PIEZO2: variants seen among roughly 807,000 people sequenced by gnomAD.
PIEZO2 encodes piezo-type mechanosensitive ion channel component 2.
A neutral mutation model predicts 337.3 loss-of-function variants in PIEZO2; 172 were observed. The observed-to-expected ratio is 0.51, with a 90% CI of 0.45 to 0.58. The LOEUF is 0.58. Ranked by LOEUF, PIEZO2 falls within the 20% of genes least tolerant of loss-of-function variation. The pLI, the probability that PIEZO2 is intolerant of heterozygous loss-of-function variation, is 0.00. For missense variants in PIEZO2, 3,028 were observed against 3,391.3 expected, an observed-to-expected ratio of 0.89 and a Z score of 2.66; for synonymous variants, 1,251 against 1,228.5, an observed-to-expected ratio of 1.02 and a Z score of -0.38.
At position 10,789,289 on chromosome 18, in the gene PIEZO2, T is replaced by C. The variant is rs1224524020; in HGVS notation, c.1959A>G (p.Gln653=). Residue 653 remains glutamine (Q), a synonymous_variant, in exon 15 of 56, where the codon CAA becomes CAG. Coordinates refer to ENST00000674853, the MANE Select transcript of PIEZO2 (RefSeq NM_001378183.1). The part of the protein sequence containing the change: ...EEEEEAKEEK[Q]ERKKVEQEEA... ...CCTCTTGCTCTACCTTCTTTCTCTC[T>C]TGCTTCTCTTCCTTCGCTTCCTCTT... The C allele has an allele frequency of 6.5e-7, 1 of 1,537,370 alleles. No individual in the cohort carries two copies.
At chr18:11,087,671 T>A (rs1238681896) in intron 1 of PIEZO2, among the ~76,000 whole-genome samples, 2 of 152,240 alleles carry the variant, frequency 1.3e-5, no homozygotes, top group South Asian at 4.1e-4. Flanking sequence ...CCTCCCTTAT[T>A]CTTTCCCACA....
intron 2 of PIEZO2, among the ~76,000 whole-genome samples, chr18:11,040,952 G>A (rs2145806652): frequency 6.6e-6 from 1 of 152,190 alleles, no homozygotes; most frequent in South Asian, 2.1e-4. Flanking sequence ...GGGGTGAGTG[G>A]GAATGGTCCG....
rs184819742 is a variant in PIEZO2, at chr18:11,111,714, C to T, written c.64+36811G>A. Among the ~76,000 whole-genome samples, 397 of 152,320 alleles carry T rather than the reference C, an allele frequency of 2.6e-3. 2 individuals are homozygous for T. Among genetic ancestry groups the T allele is most frequent in the Admixed American group, 4.2e-3 (65 of 15,296 alleles). ...TCGACAAGGCTTCTTGAACTGACAC[C>T]GTCACACCCTCGGGGAATCCGTAGC... On this transcript the variant is annotated intron_variant, in intron 1 of 55. Transcript: ENST00000674853. The surrounding 1 kb of genome is among the most constrained non-coding windows in gnomAD (Gnocchi z 6.2).
rs2037387671 is a variant in PIEZO2 at position 11,048,144 on chromosome 18, A to G, written c.160+17983T>C. Among the ~76,000 whole-genome samples the G allele has an allele frequency of 6.6e-6, 1 of 152,198 alleles. No homozygotes were observed. Among genetic ancestry groups the G allele is most frequent in the Non-Finnish European group, 1.5e-5 (1 of 68,032 alleles). The stretch of plus-strand genomic sequence containing the variant: ...TCAAGCCTGAAAGCCCCTGCTCCTG[A>G]CTGCCCGAGGAGACTATTAGTGACT... On this transcript the variant is annotated intron_variant, in intron 2 of 55. Transcript: ENST00000674853. The surrounding 1 kb of genome is among the most constrained non-coding windows in gnomAD (Gnocchi z 4.5).
At chr18:11,137,293 T>G (rs1187035033) in intron 1 of PIEZO2, among the ~76,000 whole-genome samples, 1 of 152,216 alleles carries the variant, frequency 6.6e-6, no homozygotes, top group East Asian at 1.9e-4. Context: ...AAGTCCTAAG[T>G]GTATGTACAT....
intron 48 of PIEZO2, 76 bp from the exon 49 acceptor site, chr18:10,689,878 A>C: frequency 6.6e-7 from 1 of 1,524,432 alleles, no homozygotes; most frequent in South Asian, 1.3e-5. Context: ...GAGCTCAAGC[A>C]GTTCCTTAAC....
At position 10,899,480 on chromosome 18, in the gene PIEZO2, A is replaced by G. The variant is rs2144992038; in HGVS notation, c.329+11706T>C. Among the ~76,000 whole-genome samples the G allele has an allele frequency of 6.6e-6, 1 of 152,314 alleles. No homozygotes were observed. The highest frequency in any genetic ancestry group is 2.1e-4 in the South Asian group (1 of 4,830). ...GTCTTTGTCTCCAGTAAGGTGCTTC[A>G]CTGGCTGAGCTTCCTCAGCATAAAA... On this transcript the variant is annotated intron_variant, in intron 4 of 55. Transcript: ENST00000674853. This position sits in a 1 kb window ranked among gnomAD's most constrained non-coding sequence, Gnocchi z 4.6.
At position 10,735,299 on chromosome 18, in the gene PIEZO2, A is replaced by G. The variant is rs940024785; in HGVS notation, c.4847T>C (p.Leu1616Ser). The change falls in exon 35 of 56, where the codon TTA (leucine) becomes TCA (serine). Residue 1616 changes from leucine (L) to serine (S), a missense_variant. Leu to Ser is a moderately radical substitution (Grantham distance 145). Coordinates refer to ENST00000674853, the MANE Select transcript of PIEZO2 (RefSeq NM_001378183.1). ...RAIGKFASAILALPKSVIKLP... is the reference protein window; with the variant it reads ...RAIGKFASAISALPKSVIKLP... ...TTTAATGACAGACTTTGGCAAGGCT[A>G]AAATGGCTGATGCAAACTTCCCAAT... Among the ~76,000 whole-genome samples the G allele has an allele frequency of 2.6e-5, 4 of 152,248 alleles. No individual in the cohort carries two copies. Among genetic ancestry groups the G allele is most frequent in the African/African-American group, 4.8e-5 (2 of 41,470 alleles).
In PIEZO2 at chr18:10,993,728, C is replaced by T. The variant is rs2035196565; in HGVS notation, c.161-14068G>A. Among the ~76,000 whole-genome samples, 1 of 152,164 alleles carries T rather than the reference C, an allele frequency of 6.6e-6. No individual in the cohort carries two copies. The highest frequency in any genetic ancestry group is 6.5e-5 in the Admixed American group (1 of 15,274). ...ATTTTTAGTAGAGACGGTGTTTCACCATGTTAGCCAGGATGGTCTCGATCT... is the reference window on the plus strand; with the variant it reads ...ATTTTTAGTAGAGACGGTGTTTCACTATGTTAGCCAGGATGGTCTCGATCT... On this transcript the variant is annotated intron_variant, in intron 2 of 55. Coordinates refer to ENST00000674853, the MANE Select transcript of PIEZO2 (RefSeq NM_001378183.1). This position sits in a 1 kb window ranked among gnomAD's most constrained non-coding sequence, Gnocchi z 5.0.
chr18:10,973,000 G>C (rs1426657935), intron 3 of PIEZO2, among the ~76,000 whole-genome samples: 2 of 152,148 alleles, frequency 1.3e-5, no homozygotes, highest in Non-Finnish European at 2.9e-5. Flanking sequence ...TTCCCCACCA[G>C]TAATACGATA....
chr18:10,718,286 G>A (rs1237421130), intron 36 of PIEZO2, 27 bp from the exon 37 acceptor site: 1 of 1,515,618 alleles, frequency 6.6e-7, no homozygotes, highest in Non-Finnish European at 8.9e-7. Context: ...ATAAAGATGA[G>A]TTAAATTCCA....
At chr18:10,733,021 C>T (rs76213090) in intron 35 of PIEZO2, among the ~76,000 whole-genome samples, 49,372 of 148,988 alleles carry the variant, frequency 0.33, 8,829 homozygotes, top group East Asian at 0.54. Flanking sequence ...GAATATGAGG[C>T]GCACAAGTTG....
chr18:10,763,268 T>C (rs926523955), intron 21 of PIEZO2, 170 bp from the exon 22 acceptor site: 2 of 651,938 alleles, frequency 3.1e-6, no homozygotes, highest in Non-Finnish European at 5.2e-6. Context: ...AGGTGAGTTA[T>C]GGTCTCACCC....
In PIEZO2 at chr18:10,877,215, C is replaced by T. The variant is rs2042290843; in HGVS notation, c.330-5800G>A. Among the ~76,000 whole-genome samples, 1 of 152,186 alleles carries T rather than the reference C, an allele frequency of 6.6e-6. No individual in the cohort carries two copies. Among genetic ancestry groups the T allele is most frequent in the African/African-American group, 2.4e-5 (1 of 41,448 alleles). On this transcript the variant is annotated intron_variant, in intron 4 of 55. Transcript: ENST00000674853. This position sits in a 1 kb window ranked among gnomAD's most constrained non-coding sequence, Gnocchi z 5.3. ...CTGGATGATATCCATCCCCAAGGCC[C>T]TAATCAGCATCCACATGGTGACTTA...
chr18:11,011,548 G>T (rs1038300732), intron 2 of PIEZO2, among the ~76,000 whole-genome samples: 1 of 151,986 alleles, frequency 6.6e-6, no homozygotes, highest in African/African-American at 2.4e-5. Flanking sequence ...TAAAATGCTG[G>T]ATAATATTGC....
rs185839000 is a variant in PIEZO2 at position 11,125,264 on chromosome 18, T to A, written c.64+23261A>T. Among the ~76,000 whole-genome samples, 6 of 152,328 alleles carry A rather than the reference T, an allele frequency of 3.9e-5. No homozygotes were observed. The East Asian group carries it at 1.2e-3, about 29-fold the overall frequency. On this transcript the variant is annotated intron_variant, in intron 1 of 55. Transcript: ENST00000674853. This position sits in a 1 kb window ranked among gnomAD's most constrained non-coding sequence, Gnocchi z 4.4. ...ACCATTATAAGCCCTCTTGAGCTGA[T>A]AATTCAAAAAGTATGCGAATATGTT...
chr18:10,728,040 G>A (rs556187256), intron 36 of PIEZO2: 1 of 152,350 alleles, frequency 6.6e-6, no homozygotes, highest in South Asian at 2.1e-4. Context: ...CAACCCGACA[G>A]AACGATGCAG....
At position 10,720,419 on chromosome 18, in the gene PIEZO2, GTA is replaced by G. The variant is rs74177567; in HGVS notation, c.5030-2162_5030-2161del. On this transcript the variant is annotated intron_variant, in intron 36 of 55. Transcript: ENST00000674853. ...TGTGTGTGTGTATGTGTATGTGTAT[GTA>G]TATATATATATATATATATATATAT... Among the ~76,000 whole-genome samples the G allele has an allele frequency of 8.4e-3, 78 of 9,238 alleles. 1 individual carries two copies. Among genetic ancestry groups the G allele is most frequent in the Admixed American group, 0.012 (6 of 486 alleles). The allele number at this position is 9,238 out of a possible 152,430, so 6.1% of individuals were successfully genotyped here.
chr18:10,808,860 A>G (rs1405737244), intron 7 of PIEZO2, among the ~76,000 whole-genome samples: 1 of 152,244 alleles, frequency 6.6e-6, no homozygotes. Context: ...TCTTGGGTTA[A>G]TCTAAGTGAC....
Sources: allele counts gnomAD v4.1 joint callset (sites outside exome capture counted in the v4.1 genomes callset), GRCh38; gene constraint gnomAD v4.1.1; non-coding constraint Gnocchi (gnomAD v3.1); transcripts MANE v1.5; gene names NCBI Gene and HGNC (gene_info 2026-07-23, HGNC 2026-07-21).